DSCAM: variants seen among roughly 807,000 people sequenced by gnomAD.
DSCAM encodes the protein DS cell adhesion molecule, also known as cell adhesion molecule DSCAM.
DSCAM carries 47 observed loss-of-function variants against 217.7 expected under a neutral mutation model. That is an observed-to-expected ratio of 0.22 (90% CI 0.17 to 0.28). The LOEUF is 0.28. Ranked by LOEUF, DSCAM falls within the 10% of genes least tolerant of loss-of-function variation. DSCAM has a pLI of 1.00. For synonymous variants in DSCAM, 1,056 were observed against 1,015.3 expected, an observed-to-expected ratio of 1.04 and a Z score of -0.76; for missense variants, 2,080 against 2,618.3, an observed-to-expected ratio of 0.79 and a Z score of 4.49.
At chr21:40,502,040 A>G (rs1039995223) in intron 3 of DSCAM, among the ~76,000 whole-genome samples, 13 of 152,216 alleles carry the variant, frequency 8.5e-5, no homozygotes, top group Non-Finnish European at 1.8e-4. Context: ...CCCTCTATGC[A>G]TAAAATTCAG....
intron 3 of DSCAM, among the ~76,000 whole-genome samples, chr21:40,424,410 C>A (rs919608782): frequency 3.9e-5 from 6 of 152,186 alleles, no homozygotes; most frequent in African/African-American, 1.4e-4. Context: ...GGTAAAAACA[C>A]TGGAAGAAGC....
intron 3 of DSCAM, among the ~76,000 whole-genome samples, chr21:40,681,892 C>A (rs111991795): frequency 2.0e-5 from 3 of 152,246 alleles, no homozygotes; most frequent in African/African-American, 4.8e-5. Flanking sequence ...AGCCAAGGAC[C>A]GCAGGCAACA....
rs1601563673 is a variant in DSCAM, at chr21:40,338,486, C to G, written c.1508-110G>C. ...AATGTAGATTATATTCATGTAAGCACATCTTTTTCAGTTAAACAAATATTT... is the reference window on the plus strand; with the variant it reads ...AATGTAGATTATATTCATGTAAGCAGATCTTTTTCAGTTAAACAAATATTT... On this transcript the variant is annotated intron_variant, in intron 7 of 32. Coordinates refer to ENST00000400454, the MANE Select transcript of DSCAM (RefSeq NM_001389.5). The G allele has an allele frequency of 8.6e-6, 10 of 1,157,638 alleles. No individual in the cohort carries two copies. In the East Asian group the frequency reaches 2.6e-4, roughly 30 times the overall value. The allele number at this position is 1,157,638 out of a possible 1,614,324, so 71.7% of individuals were successfully genotyped here.
At chr21:40,319,866 G>C (rs2074241060) in intron 8 of DSCAM, among the ~76,000 whole-genome samples, 1 of 152,164 alleles carries the variant, frequency 6.6e-6, no homozygotes, top group Non-Finnish European at 1.5e-5. Context: ...ATACTTTGCA[G>C]CCATAGAAAG....
At chr21:40,370,995 C>T (rs984963818) in intron 3 of DSCAM, among the ~76,000 whole-genome samples, 2 of 152,096 alleles carry the variant, frequency 1.3e-5, no homozygotes, top group African/African-American at 4.8e-5. Context: ...CCAAAGAACA[C>T]AGATGTGAAA....
chr21:40,371,912 G>A (rs563707168), intron 3 of DSCAM, among the ~76,000 whole-genome samples: 1 of 152,078 alleles, frequency 6.6e-6, no homozygotes, highest in African/African-American at 2.4e-5. Flanking sequence ...TGCAACCTCA[G>A]GCATAAATGG....
chr21:40,099,663 T>A (rs185932854), intron 20 of DSCAM, among the ~76,000 whole-genome samples: 2 of 152,246 alleles, frequency 1.3e-5, no homozygotes, highest in African/African-American at 4.8e-5. Context: ...GTTTTAGCGA[T>A]GATCTTAAAG....
chr21:40,381,546 A>C (rs927135776), intron 3 of DSCAM, among the ~76,000 whole-genome samples: 72 of 152,262 alleles, frequency 4.7e-4, no homozygotes, highest in African/African-American at 1.7e-3. Flanking sequence ...ACTTCAACCC[A>C]CAGTGACTAT....
chr21:40,020,563 G>C (rs2088247569), intron 32 of DSCAM, among the ~76,000 whole-genome samples: 1 of 151,938 alleles, frequency 6.6e-6, no homozygotes, highest in Non-Finnish European at 1.5e-5. Context: ...AGATATGGGA[G>C]GGAAAATCTA....
At chr21:40,403,737 A>G (rs2075258477) in intron 3 of DSCAM, among the ~76,000 whole-genome samples, 1 of 152,112 alleles carries the variant, frequency 6.6e-6, no homozygotes, top group Admixed American at 6.6e-5. Flanking sequence ...ACAAAAGAAG[A>G]TAGTTGAGCC....
intron 3 of DSCAM, among the ~76,000 whole-genome samples, chr21:40,558,081 A>T (rs2076686688): frequency 6.6e-6 from 1 of 152,194 alleles, no homozygotes; most frequent in South Asian, 2.1e-4. Flanking sequence ...GTATCCAAGG[A>T]TCATCGGTAA....
At position 40,011,825 on chromosome 21, in the gene DSCAM, G is replaced by A. The variant is rs1263568333; in HGVS notation, c.*1209C>T. 1 of 152,234 alleles carries A rather than the reference G, an allele frequency of 6.6e-6. No individual in the cohort carries two copies. The highest frequency in any genetic ancestry group is 6.5e-5 in the Admixed American group (1 of 15,278). 9.4% of individuals were successfully genotyped at this position (152,234 alleles called of 1,614,324 possible). ...ATCACAAATTTGCATACCAGGCATA[G>A]TGGAGATAGGAAAAGTCATGGAGGG... On this transcript the variant is annotated 3_prime_UTR_variant, in exon 33 of 33. Coordinates refer to ENST00000400454, the MANE Select transcript of DSCAM (RefSeq NM_001389.5).
At chr21:40,421,307 G>T (rs2075421799) in intron 3 of DSCAM, among the ~76,000 whole-genome samples, 1 of 152,212 alleles carries the variant, frequency 6.6e-6, no homozygotes, top group African/African-American at 2.4e-5. Context: ...TGAGACAGAG[G>T]AGAGAAACTA....
rs60717299 is a variant in DSCAM, at chr21:40,356,388, G to GATATATATATATATATAT, written c.656-2663_656-2646dup. Among the ~76,000 whole-genome samples, 4 of 147,370 alleles carry GATATATATATATATATAT rather than the reference G, an allele frequency of 2.7e-5. 1 individual carries two copies. The East Asian group carries it at 8.1e-4, about 30-fold the overall frequency. On this transcript the variant is annotated intron_variant, in intron 4 of 32. Coordinates refer to ENST00000400454, the MANE Select transcript of DSCAM (RefSeq NM_001389.5). Reference sequence around the variant, plus strand: ...TAGATATGTTATTTTGCTTGATAGTGATATATATATATATATATATGCACA... The same window carrying GATATATATATATATATAT: ...TAGATATGTTATTTTGCTTGATAGTGATATATATATATATATATATATATATATATATATATATGCACA...
chr21:40,087,176 T>G lies in DSCAM; in HGVS notation c.3962A>C (p.Lys1321Thr). ...ACATTGGGTTACTGGTTACCTGTCTTTCATCCATTTGACTGCAGGAGAAGG... is the reference window on the plus strand; with the variant it reads ...ACATTGGGTTACTGGTTACCTGTCTGTCATCCATTTGACTGCAGGAGAAGG... The part of the protein sequence containing the change: ...GDPSPAVKWM[K>T]DSNGTPSLVT... Residue 1321 changes from lysine (K) to threonine (T), a missense_variant, in exon 22 of 33, where the codon AAA (lysine) becomes ACA (threonine). By Grantham distance (78) the Lys-to-Thr change is moderately conservative. Transcript: ENST00000400454. The G allele has an allele frequency of 1.2e-6, 2 of 1,611,854 alleles. No individual in the cohort carries two copies. The highest frequency in any genetic ancestry group is 1.7e-6 in the Non-Finnish European group (2 of 1,177,922).
At chr21:40,087,660 A>G (rs1302591261) in intron 21 of DSCAM, among the ~76,000 whole-genome samples, 2 of 152,258 alleles carry the variant, frequency 1.3e-5, no homozygotes, top group East Asian at 3.8e-4. Context: ...ATACTTTAAT[A>G]TCAGAGAAAG....
chr21:40,795,845 G>T (rs1479470977), intron 1 of DSCAM, among the ~76,000 whole-genome samples: 1 of 152,108 alleles, frequency 6.6e-6, no homozygotes, highest in Non-Finnish European at 1.5e-5. Context: ...CTGATTGTTT[G>T]GTATTTAGTG....
intron 1 of DSCAM, among the ~76,000 whole-genome samples, chr21:40,792,442 C>T (rs2091654852): frequency 6.6e-6 from 1 of 152,120 alleles, no homozygotes; most frequent in Non-Finnish European, 1.5e-5. Context: ...TTCTTAAATA[C>T]CAGTCTTACA....
intron 8 of DSCAM, among the ~76,000 whole-genome samples, chr21:40,335,311 A>G (rs2074418927): frequency 6.6e-6 from 1 of 152,212 alleles, no homozygotes; most frequent in South Asian, 2.1e-4. Context: ...GTTTTATACT[A>G]TATGATAAGT....
Sources: allele counts gnomAD v4.1 joint callset (sites outside exome capture counted in the v4.1 genomes callset), GRCh38; gene constraint gnomAD v4.1.1; transcripts MANE v1.5; gene names NCBI Gene and HGNC (gene_info 2026-07-23, HGNC 2026-07-21).